MED12L: variants seen among roughly 807,000 people sequenced by gnomAD.
MED12L encodes mediator complex subunit 12L, also known as mediator of RNA polymerase II transcription subunit 12-like protein.
In MED12L, 60 loss-of-function variants were observed where a neutral mutation model predicts 281.3. The ratio of observed to expected loss-of-function variants is 0.21; its 90% confidence interval spans 0.17 to 0.26. MED12L has a LOEUF of 0.26. MED12L is among the 10% of genes least tolerant of loss of function. The pLI is 1.00. For missense variants in MED12L, 2,146 were observed against 2,680.9 expected, an observed-to-expected ratio of 0.80 and a Z score of 4.41; for synonymous variants, 974 against 987.2, an observed-to-expected ratio of 0.99 and a Z score of 0.25.
chr3:151,430,175 A>G, intron 43 of MED12L, 124 bp from the exon 44 acceptor site: 5 of 1,387,342 alleles, frequency 3.6e-6, no homozygotes, highest in Non-Finnish European at 4.9e-6. Flanking sequence ...CACAGTTGTC[A>G]TAGCCCTTTT....
Position 151,367,646 on chromosome 3 carries a change from G to A in MED12L, c.3328G>A (p.Val1110Met), listed in dbSNP as rs1755448960. The change falls in exon 24 of 45, where the codon GTG becomes ATG. Residue 1110 changes from valine to methionine, a missense_variant and splice_region_variant. By Grantham distance (21) the Val-to-Met change is conservative (BLOSUM62 1). Transcript: ENST00000687756. Reference protein sequence around the residue: ...GFNDVLCTVDVSDLSFHDSLA... With the variant: ...GFNDVLCTVDMSDLSFHDSLA... ...AAACCTGTCAATGTTTTTCTTGAAGGTGAGTGACCTTTCATTCCATGATTC... is the reference window on the plus strand; with the variant it reads ...AAACCTGTCAATGTTTTTCTTGAAGATGAGTGACCTTTCATTCCATGATTC... 6.2e-7 allele frequency: 1 copy of A among 1,601,616 alleles called. No individual in the cohort carries two copies. Among genetic ancestry groups the A allele is most frequent in the African/African-American group, 1.3e-5 (1 of 74,364 alleles).
At chr3:151,337,005 TAGC>T (rs1353497195) in intron 16 of MED12L, 2 of 152,286 alleles carry the variant, frequency 1.3e-5, no homozygotes, top group Non-Finnish European at 2.9e-5. Context: ...TTAACCTAAT[TAGC>T]AGCTATTTTC....
rs557454298 is a variant in MED12L at position 151,213,742 on chromosome 3, A to G, written c.2250+20076A>G. The G allele has an allele frequency of 2.5e-6, 4 of 1,614,208 alleles. No homozygotes were observed. The South Asian group carries it at 3.3e-5, about 13-fold the overall frequency. On this transcript the variant is annotated intron_variant, in intron 16 of 44. Coordinates refer to ENST00000687756, the MANE Select transcript of MED12L (RefSeq NM_001393769.1). ...AAGAAACACAATCCAGAAGATGGCC[A>G]CGAAGATGTAGTTTGATGCTTTGTG...
intron 16 of MED12L, among the ~76,000 whole-genome samples, chr3:151,311,092 G>A (rs1747430770): frequency 6.6e-6 from 1 of 152,162 alleles, no homozygotes. Context: ...CTCAAACTGA[G>A]TTCCGCACTG....
At chr3:151,095,726 A>G (rs570455541) in intron 2 of MED12L, among the ~76,000 whole-genome samples, 78 of 151,856 alleles carry the variant, frequency 5.1e-4, no homozygotes, top group African/African-American at 1.7e-3. Flanking sequence ...CTCACTAAAA[A>G]CTTTTTTTTC....
At chr3:151,213,662 T>C in intron 16 of MED12L, 1 of 1,614,228 alleles carries the variant, frequency 6.2e-7, no homozygotes, top group Non-Finnish European at 8.5e-7. Flanking sequence ...CGACTTGACT[T>C]AAGGTGGGAC....
chr3:151,284,641 C>T (rs534528147), intron 16 of MED12L, among the ~76,000 whole-genome samples: 1 of 152,034 alleles, frequency 6.6e-6, no homozygotes, highest in African/African-American at 2.4e-5. Context: ...GAGTTTTCGC[C>T]CTTGTTGCCC....
At chr3:151,119,296 A>G (rs1713369566) in intron 3 of MED12L, among the ~76,000 whole-genome samples, 1 of 148,132 alleles carries the variant, frequency 6.8e-6, no homozygotes, top group Non-Finnish European at 1.5e-5. Flanking sequence ...GGCTGCTATA[A>G]CAAAATACTT....
intron 28 of MED12L, 28 bp from the exon 29 acceptor site, chr3:151,376,772 A>G (rs949921413): frequency 6.3e-7 from 1 of 1,583,888 alleles, no homozygotes; most frequent in Non-Finnish European, 8.7e-7. Flanking sequence ...GATACCCATA[A>G]TGTTTTAATT....
intron 16 of MED12L, chr3:151,214,047 G>A (rs773657107): frequency 8.7e-6 from 14 of 1,614,018 alleles, no homozygotes; most frequent in East Asian, 2.2e-5. Flanking sequence ...ACACAAACAC[G>A]TTCAGCTGCC....
intron 16 of MED12L, among the ~76,000 whole-genome samples, chr3:151,322,266 A>G (rs978207739): frequency 6.6e-6 from 1 of 152,086 alleles, no homozygotes; most frequent in South Asian, 2.1e-4. Context: ...GCCCACTGCA[A>G]CCTCAACCTC....
At chr3:151,108,815 T>C (rs1404983163) in intron 2 of MED12L, among the ~76,000 whole-genome samples, 1 of 152,196 alleles carries the variant, frequency 6.6e-6, no homozygotes, top group African/African-American at 2.4e-5. Context: ...GTGTGCATTA[T>C]CTGACTTTGA....
chr3:151,188,944 G>A (rs1001013595), intron 13 of MED12L, among the ~76,000 whole-genome samples: 1 of 151,534 alleles, frequency 6.6e-6, no homozygotes, highest in Non-Finnish European at 1.5e-5. Flanking sequence ...GTCATCTCAA[G>A]CTCTTTTTTT....
At chr3:151,377,860 G>A (rs182072087) in intron 30 of MED12L, 152 bp from the exon 31 acceptor site, 210 of 665,602 alleles carry the variant, frequency 3.2e-4, no homozygotes, top group African/African-American at 1.9e-3. Flanking sequence ...TCTAGTGTTC[G>A]GAAAAAGGAA....
At chr3:151,134,194 T>G (rs1435379562) in intron 5 of MED12L, among the ~76,000 whole-genome samples, 1 of 151,848 alleles carries the variant, frequency 6.6e-6, no homozygotes, top group Admixed American at 6.6e-5. Flanking sequence ...GGTTGTTTTT[T>G]TTTTTTTTTT....
At chr3:151,115,883 C>A (rs1274575799) in intron 2 of MED12L, among the ~76,000 whole-genome samples, 1 of 151,264 alleles carries the variant, frequency 6.6e-6, no homozygotes. Context: ...AATGGTGAAA[C>A]CCCATCTCTA....
chr3:151,185,672 C>A (rs1723173355), intron 12 of MED12L, among the ~76,000 whole-genome samples: 1 of 152,044 alleles, frequency 6.6e-6, no homozygotes, highest in Admixed American at 6.5e-5. Context: ...AAAATGGTAT[C>A]TTTTAAAATA....
intron 43 of MED12L, among the ~76,000 whole-genome samples, chr3:151,428,424 G>T (rs924648657): frequency 6.6e-6 from 1 of 152,196 alleles, no homozygotes; most frequent in African/African-American, 2.4e-5. Flanking sequence ...TTGTATTGGG[G>T]AAAATAGTAA....
chr3:151,255,312 A>T (rs1476212210), intron 16 of MED12L, among the ~76,000 whole-genome samples: 1 of 152,194 alleles, frequency 6.6e-6, no homozygotes, highest in African/African-American at 2.4e-5. Context: ...CATGTGTGAC[A>T]TGCAGTGTGA....
Sources: allele counts gnomAD v4.1 joint callset (sites outside exome capture counted in the v4.1 genomes callset), GRCh38; gene constraint gnomAD v4.1.1; transcripts MANE v1.5; gene names NCBI Gene and HGNC (gene_info 2026-07-23, HGNC 2026-07-21).